ZNF407: variants seen among roughly 807,000 people sequenced by gnomAD.
ZNF407 encodes zinc finger protein 407.
A neutral mutation model predicts 131.2 loss-of-function variants in ZNF407; 17 were observed. The observed-to-expected ratio is 0.13, with a 90% CI of 0.09 to 0.19. The LOEUF is 0.19. Ranked by LOEUF, ZNF407 falls within the 10% of genes least tolerant of loss-of-function variation. The pLI is 1.00. For missense variants in ZNF407, 2,681 were observed against 2,830.6 expected (o/e 0.95, Z 1.20); for synonymous variants, 1,156 against 1,062.0 (o/e 1.09, Z -1.72).
intron 4 of ZNF407, among the ~76,000 whole-genome samples, chr18:74,791,935 G>A (rs1382181556): frequency 6.6e-6 from 1 of 152,090 alleles, no homozygotes; most frequent in African/African-American, 2.4e-5. Context: ...TACTCAGCTG[G>A]TCTAATTTAT....
At chr18:75,028,109 T>C in intron 8 of ZNF407, among the ~76,000 whole-genome samples, 1 of 152,256 alleles carries the variant, frequency 6.6e-6, no homozygotes, top group East Asian at 1.9e-4. Flanking sequence ...TTATAAAACA[T>C]GAACGCTCAT....
intron 3 of ZNF407, among the ~76,000 whole-genome samples, chr18:74,710,032 A>G (rs1756325253): frequency 6.6e-6 from 1 of 152,192 alleles, no homozygotes; most frequent in South Asian, 2.1e-4. Context: ...GTGACTTCTG[A>G]TAATTATTTT....
At chr18:75,003,236 T>C (rs907501567) in intron 8 of ZNF407, among the ~76,000 whole-genome samples, 46 of 152,258 alleles carry the variant, frequency 3.0e-4, no homozygotes, top group African/African-American at 1.0e-3. Flanking sequence ...TGTTTGGTTT[T>C]ATTTCTGAGT....
At position 74,866,093 on chromosome 18, in the gene ZNF407, A is replaced by G. The variant is rs538277931; in HGVS notation, c.4878-11104A>G. Among the ~76,000 whole-genome samples the G allele has an allele frequency of 3.3e-5, 5 of 152,298 alleles. No homozygotes were observed. The East Asian group carries it at 9.6e-4, about 29-fold the overall frequency. ...TTTACCAAGGAACAAATAACTCCCT[A>G]CAACATGATCTTTCAATATGTCTGC... On this transcript the variant is annotated intron_variant, in intron 4 of 8. Coordinates refer to ENST00000299687, the MANE Select transcript of ZNF407 (RefSeq NM_017757.3).
intron 5 of ZNF407, among the ~76,000 whole-genome samples, chr18:74,880,273 TA>T (rs75513857): frequency 0.12 from 18,173 of 152,086 alleles, 1,182 homozygotes; most frequent in Middle Eastern, 0.23. Flanking sequence ...TGAAAATGCT[TA>T]AAAAAATGAG....
At chr18:74,901,327 C>T (rs1198576580) in intron 7 of ZNF407, among the ~76,000 whole-genome samples, 1 of 152,120 alleles carries the variant, frequency 6.6e-6, no homozygotes, top group African/African-American at 2.4e-5. Flanking sequence ...TGTTTTTCAA[C>T]CTTAAAAACA....
intron 3 of ZNF407, among the ~76,000 whole-genome samples, chr18:74,720,098 G>C (rs1335091769): frequency 6.6e-6 from 1 of 151,954 alleles, no homozygotes; most frequent in Non-Finnish European, 1.5e-5. Context: ...ATTCCATAGT[G>C]GTTGTATTAG....
intron 8 of ZNF407, among the ~76,000 whole-genome samples, chr18:74,994,084 G>A (rs1972750187): frequency 6.6e-6 from 1 of 152,194 alleles, no homozygotes; most frequent in Non-Finnish European, 1.5e-5. Context: ...TTAGAATAAG[G>A]TCTGTAGATT....
intron 4 of ZNF407, among the ~76,000 whole-genome samples, chr18:74,806,931 G>C (rs1042376986): frequency 6.6e-6 from 1 of 152,196 alleles, no homozygotes; most frequent in Non-Finnish European, 1.5e-5. Context: ...CATGGTTTTA[G>C]GTTCTAAGAA....
intron 8 of ZNF407, among the ~76,000 whole-genome samples, chr18:75,042,912 G>A (rs1007794149): frequency 7.2e-5 from 11 of 152,094 alleles, no homozygotes; most frequent in South Asian, 2.1e-4. Context: ...CTGTTCCGTC[G>A]CATGCGTGTA....
chr18:75,008,833 T>TAA (rs749542131), intron 8 of ZNF407, among the ~76,000 whole-genome samples: 123 of 152,332 alleles, frequency 8.1e-4, no homozygotes, highest in Non-Finnish European at 8.5e-4. Context: ...AGGCGTGACA[T>TAA]AAAGATATAA....
chr18:75,058,204 C>G (rs1394329065), intron 8 of ZNF407, among the ~76,000 whole-genome samples: 1 of 152,168 alleles, frequency 6.6e-6, no homozygotes, highest in African/African-American at 2.4e-5. Flanking sequence ...TTCAAGCACG[C>G]AGAAGGAGCT....
chr18:74,763,067 C>G (rs1449257300), intron 3 of ZNF407, among the ~76,000 whole-genome samples: 1 of 151,940 alleles, frequency 6.6e-6, no homozygotes, highest in Admixed American at 6.6e-5. Flanking sequence ...TCCTATTTTT[C>G]TACGTAAACT....
rs531656369 is a variant in ZNF407 at position 74,738,068 on chromosome 18, T to C, written c.4803-43360T>C. On this transcript the variant is annotated intron_variant, in intron 3 of 8. Transcript: ENST00000299687. ...AAGGAAGGATTTAAAAACCAAATAC[T>C]GTACTGTGGTAATCATGTCATATGT... Among the ~76,000 whole-genome samples, 6 of 152,286 alleles carry C rather than the reference T, an allele frequency of 3.9e-5. No homozygotes were observed. In the South Asian group the frequency reaches 6.2e-4, roughly 16 times the overall value.
chr18:74,904,622 A>G (rs574137892), intron 7 of ZNF407, among the ~76,000 whole-genome samples: 2 of 152,118 alleles, frequency 1.3e-5, no homozygotes, highest in Non-Finnish European at 2.9e-5. Flanking sequence ...CTTCCTTGTG[A>G]TGTTCATTAT....
At chr18:74,647,908 TG>T (rs1357861436) in intron 3 of ZNF407, among the ~76,000 whole-genome samples, 1 of 152,006 alleles carries the variant, frequency 6.6e-6, no homozygotes. Context: ...ATCTTTGAGT[TG>T]GGTCTTAAAG....
intron 4 of ZNF407, among the ~76,000 whole-genome samples, chr18:74,839,749 A>C (rs185545157): frequency 7.9e-5 from 12 of 152,274 alleles, no homozygotes; most frequent in African/African-American, 2.9e-4. Flanking sequence ...TCTAAAAACT[A>C]TGTGTGTATG....
At chr18:74,647,220 A>G (rs1464444041) in intron 3 of ZNF407, among the ~76,000 whole-genome samples, 1 of 152,016 alleles carries the variant, frequency 6.6e-6, no homozygotes, top group Non-Finnish European at 1.5e-5. Flanking sequence ...AGGTGGGAGA[A>G]TCGCTTGAGC....
At chr18:74,614,114 T>C (rs1983181470) in intron 1 of ZNF407, among the ~76,000 whole-genome samples, 1 of 152,250 alleles carries the variant, frequency 6.6e-6, no homozygotes, top group South Asian at 2.1e-4. Context: ...GGAGTGCATG[T>C]TAATTTGAAA....
Sources: allele counts gnomAD v4.1 joint callset (sites outside exome capture counted in the v4.1 genomes callset), GRCh38; gene constraint gnomAD v4.1.1; transcripts MANE v1.5; gene names NCBI Gene and HGNC (gene_info 2026-07-23, HGNC 2026-07-21).